DIP2C: variants seen among roughly 807,000 people sequenced by gnomAD.
The protein encoded by DIP2C is DIP2 acetate--CoA ligase C (putative).
A neutral mutation model predicts 192.4 loss-of-function variants in DIP2C; 33 were observed. That is an observed-to-expected ratio of 0.17 (90% CI 0.13 to 0.23). The LOEUF is 0.23. DIP2C is among the 10% of genes least tolerant of loss of function. DIP2C has a pLI of 1.00. For synonymous variants in DIP2C, 979 were observed against 864.1 expected (o/e 1.13, Z -2.33); for missense variants, 1,537 against 2,110.1 (o/e 0.73, Z 5.32).
intron 17 of DIP2C, 44 bp from the exon 18 acceptor site, chr10:369,677 C>T (rs1351759601): frequency 1.2e-6 from 2 of 1,613,710 alleles, no homozygotes; most frequent in East Asian, 4.5e-5. Context: ...AGCAGATAAG[C>T]CATCACAATC....
At chr10:395,099 G>C (rs568280369) in intron 10 of DIP2C, among the ~76,000 whole-genome samples, 15 of 116,796 alleles carry the variant, frequency 1.3e-4, no homozygotes, top group Admixed American at 3.7e-4. Context: ...CGAGGGCTGG[G>C]GGGGAGGGAG....
At chr10:429,148 TCATA>T (rs1966776992) in intron 4 of DIP2C, among the ~76,000 whole-genome samples, 1 of 152,020 alleles carries the variant, frequency 6.6e-6, no homozygotes, top group Admixed American at 6.5e-5. Flanking sequence ...CATCACAGTA[TCATA>T]CAGAGATCAC....
chr10:468,691 CAG>C (rs1970408186), intron 3 of DIP2C, among the ~76,000 whole-genome samples: 2 of 152,138 alleles, frequency 1.3e-5, no homozygotes, highest in South Asian at 2.1e-4. Flanking sequence ...ACCCACGAGG[CAG>C]AGTTTGTGGC....
chr10:351,565 C>A (rs1958811520), intron 24 of DIP2C, among the ~76,000 whole-genome samples: 1 of 152,194 alleles, frequency 6.6e-6, no homozygotes, highest in Non-Finnish European at 1.5e-5. Context: ...TCTCATCCCA[C>A]ACATTTTCCT....
Position 512,920 on chromosome 10 carries a change from A to AG in DIP2C, c.86-26391dup, listed in dbSNP as rs1393221095. Among the ~76,000 whole-genome samples, 976 of 99,100 alleles carry AG rather than the reference A, an allele frequency of 9.8e-3. 6 individuals are homozygous for AG. The highest frequency in any genetic ancestry group is 0.014 in the Middle Eastern group (3 of 208). 65.0% of individuals were successfully genotyped at this position (99,100 alleles called of 152,430 possible). ...GGTGACAACAGCGAGACCCCACTTCAGGAAAAAAAAAAAAAAAAAAAAAAG... is the reference window on the plus strand; with the variant it reads ...GGTGACAACAGCGAGACCCCACTTCAGGGAAAAAAAAAAAAAAAAAAAAAAG... On this transcript the variant is annotated intron_variant, in intron 1 of 36. Coordinates refer to ENST00000280886, the MANE Select transcript of DIP2C (RefSeq NM_014974.3).
At chr10:287,957 A>G (rs1462417022) in intron 33 of DIP2C, among the ~76,000 whole-genome samples, 1 of 152,174 alleles carries the variant, frequency 6.6e-6, no homozygotes, top group Non-Finnish European at 1.5e-5. Flanking sequence ...TCAGTGTAGG[A>G]CAGCTTGGGA....
chr10:420,495 G>A (rs1289617074), intron 5 of DIP2C, among the ~76,000 whole-genome samples: 1 of 152,216 alleles, frequency 6.6e-6, no homozygotes, highest in African/African-American at 2.4e-5. Context: ...ACTTCCTGCA[G>A]AACCAACACA....
At chr10:512,937 A>AAG (rs1564807551) in intron 1 of DIP2C, among the ~76,000 whole-genome samples, 5 of 151,538 alleles carry the variant, frequency 3.3e-5, no homozygotes, top group African/African-American at 1.2e-4. Context: ...AAAAAAAAAA[A>AAG]AAAAAAAGGG....
At chr10:477,008 A>G (rs1372940381) in intron 2 of DIP2C, among the ~76,000 whole-genome samples, 25 of 24,400 alleles carry the variant, frequency 1.0e-3, no homozygotes, top group Non-Finnish European at 1.7e-3. Context: ...GGGCTGGAAC[A>G]TTTCCATTTA....
rs566226009 is a variant in DIP2C, at chr10:621,714, G to A, written c.85+67780C>T. On this transcript the variant is annotated intron_variant, in intron 1 of 36. Coordinates refer to ENST00000280886, the MANE Select transcript of DIP2C (RefSeq NM_014974.3). ...ATCCTCCCACGTGGATCAGGAGGAC[G>A]CCCACTGCACAGAGCTGTGATGAGC... is the stretch of plus-strand genomic sequence containing the variant. Among the ~76,000 whole-genome samples, 6 of 152,292 alleles carry A rather than the reference G, an allele frequency of 3.9e-5. No homozygotes were observed. The South Asian group carries it at 8.3e-4, about 21-fold the overall frequency.
rs147729939 is a variant in DIP2C at position 595,612 on chromosome 10, A to G, written c.85+93882T>C. Among the ~76,000 whole-genome samples the G allele has an allele frequency of 3.6e-3, 511 of 143,434 alleles. 3 individuals are homozygous for G. Among genetic ancestry groups the G allele is most frequent in the African/African-American group, 0.013 (487 of 38,628 alleles). 94.1% of individuals were successfully genotyped at this position (143,434 alleles called of 152,430 possible). A position where few individuals can be genotyped will look rare whatever the true frequency, so the allele number is the denominator to read the frequency against. On this transcript the variant is annotated intron_variant, in intron 1 of 36. Transcript: ENST00000280886. ...AGAACAAGGCAGGACACAAACTTTT[A>G]AAAAGCTCCAGTTGTCCCTCCATCT...
At chr10:485,926 G>C (rs1247547757) in intron 2 of DIP2C, among the ~76,000 whole-genome samples, 2 of 152,224 alleles carry the variant, frequency 1.3e-5, no homozygotes. Flanking sequence ...CCCAGCTCAA[G>C]TGCAGGAAAG....
intron 4 of DIP2C, among the ~76,000 whole-genome samples, chr10:431,722 G>C (rs1966857768): frequency 6.6e-6 from 1 of 152,204 alleles, no homozygotes; most frequent in Non-Finnish European, 1.5e-5. Flanking sequence ...CAATGAATAT[G>C]TATTTATTTT....
intron 26 of DIP2C, among the ~76,000 whole-genome samples, chr10:347,946 G>A (rs1298695236): frequency 6.9e-6 from 1 of 145,912 alleles, no homozygotes. Flanking sequence ...ACCCAGACGC[G>A]TCGCGCATAG....
intron 1 of DIP2C, chr10:662,734 T>C: frequency 1.7e-6 from 1 of 594,342 alleles, no homozygotes; most frequent in East Asian, 2.9e-5. Context: ...GAAATAATTT[T>C]TAAAGGTTTC....
intron 1 of DIP2C, chr10:650,708 G>A: frequency 1.6e-6 from 1 of 625,694 alleles, no homozygotes; most frequent in Admixed American, 2.8e-5. Context: ...ATGGCTTCTG[G>A]CCAGAGTGCT....
chr10:315,269 T>C (rs1956728619), intron 31 of DIP2C, among the ~76,000 whole-genome samples: 1 of 152,252 alleles, frequency 6.6e-6, no homozygotes, highest in Non-Finnish European at 1.5e-5. Context: ...TATTTACATG[T>C]CTACATATTG....
At position 430,651 on chromosome 10, in the gene DIP2C, T is replaced by C. The variant is rs1222948035; in HGVS notation, c.395-7618A>G. 4 of 152,248 alleles carry C rather than the reference T, an allele frequency of 2.6e-5. No homozygotes were observed. In the South Asian group the frequency reaches 6.2e-4, roughly 24 times the overall value. 9.4% of individuals were successfully genotyped at this position (152,248 alleles called of 1,614,324 possible). Reference sequence around the variant, plus strand: ...TGTATTTTAATTACTTTAAGAGTCTTTGACATAGCAGAACATGTTCATTTT... The same window carrying C: ...TGTATTTTAATTACTTTAAGAGTCTCTGACATAGCAGAACATGTTCATTTT... On this transcript the variant is annotated intron_variant, in intron 4 of 36. Transcript: ENST00000280886.
At chr10:377,281 T>A (rs1961731558) in intron 17 of DIP2C, among the ~76,000 whole-genome samples, 1 of 152,224 alleles carries the variant, frequency 6.6e-6, no homozygotes, top group South Asian at 2.1e-4. Context: ...CAGGGGAGGT[T>A]ATGGGCTGGA....
Sources: allele counts gnomAD v4.1 joint callset (sites outside exome capture counted in the v4.1 genomes callset), GRCh38; gene constraint gnomAD v4.1.1; transcripts MANE v1.5; gene names NCBI Gene and HGNC (gene_info 2026-07-23, HGNC 2026-07-21).